Variants in KNDC1 observed in about 807,000 individuals in gnomAD.
KNDC1 encodes kinase non-catalytic C-lobe domain containing 1, also known as kinase non-catalytic C-lobe domain-containing protein 1.
Under a neutral mutation model 172.8 loss-of-function variants are expected in KNDC1, and 106 were observed. That is an observed-to-expected ratio of 0.61 (90% CI 0.52 to 0.72). The LOEUF (loss-of-function observed/expected upper bound fraction) is 0.72. Ranked by LOEUF, KNDC1 falls within the 30% of genes least tolerant of loss-of-function variation. The pLI is 0.00. For synonymous variants in KNDC1, 1,083 were observed against 1,062.2 expected, an observed-to-expected ratio of 1.02 and a Z score of -0.38; for missense variants, 2,325 against 2,394.5, an observed-to-expected ratio of 0.97 and a Z score of 0.61.
chr10:133,168,886 C>T (rs551002415), intron 3 of KNDC1, among the ~76,000 whole-genome samples: 147 of 152,308 alleles, frequency 9.7e-4, no homozygotes, highest in Admixed American at 2.5e-3. Flanking sequence ...GGACCCTTTG[C>T]GTGGGAGGAG....
rs934822138 is a variant in KNDC1 at position 133,219,995 on chromosome 10, G to C, written c.4901G>C (p.Arg1634Pro). The C allele has an allele frequency of 6.4e-7, 1 of 1,553,106 alleles. No homozygotes were observed. Among genetic ancestry groups the C allele is most frequent in the Non-Finnish European group, 8.7e-7 (1 of 1,148,094 alleles). ...GACAGCCTGTGTCTGATGGAAGGGC[G>C]GCGCTTCCGGGCGCAGCCCACCCTG... ...KSDSLCLMEG[R>P]RFRAQPTLPS... The change falls in exon 29 of 30, where the codon CGG becomes CCG. Residue 1634 changes from arginine (R) to proline (P), a missense_variant. Coordinates refer to ENST00000304613, the MANE Select transcript of KNDC1 (RefSeq NM_152643.8).
At position 133,224,819 on chromosome 10, in the gene KNDC1, C is replaced by A. The variant is rs1437107646; in HGVS notation, c.5179C>A (p.Gln1727Lys). 2 of 1,614,006 alleles carry A rather than the reference C, an allele frequency of 1.2e-6. No individual in the cohort carries two copies. Among genetic ancestry groups the A allele is most frequent in the African/African-American group, 2.7e-5 (2 of 74,930 alleles). Residue 1727 changes from glutamine (Q) to lysine (K), a missense_variant, in exon 30 of 30, where the codon CAG (glutamine) becomes AAG (lysine). Transcript: ENST00000304613. This position sits in a 1 kb window ranked among gnomAD's most constrained non-coding sequence, Gnocchi z 5.4. ...CGCAGATAGCAGGGCCAACTTCCAC[C>A]AGGTCTCCAGCGAGAAGCACTCACG... Reference protein sequence around the residue: ...LAADSRANFHQVSSEKHSRKI... With the variant: ...LAADSRANFHKVSSEKHSRKI...
intron 1 of KNDC1, among the ~76,000 whole-genome samples, chr10:133,162,748 G>T (rs558571726): frequency 2.0e-5 from 3 of 152,278 alleles, no homozygotes; most frequent in Non-Finnish European, 4.4e-5. Context: ...CCTCGCGCCA[G>T]TGGGAGGACA....
At position 133,224,772 on chromosome 10, in the gene KNDC1, G is replaced by A. The variant is rs769693071; in HGVS notation, c.5132G>A (p.Gly1711Asp). 6.2e-7 allele frequency: 1 copy of A among 1,614,080 alleles called. No individual in the cohort carries two copies. The highest frequency in any genetic ancestry group is 8.5e-7 in the Non-Finnish European group (1 of 1,180,016). Reference protein sequence around the residue: ...YLKQRIARFSGADISTLAADS... With the variant: ...YLKQRIARFSDADISTLAADS... ...AAGCAGAGGATTGCCCGCTTCAGCG[G>A]TGCCGACATTTCCACACTCGCCGCA... The change falls in exon 30 of 30, where the codon GGT (glycine) becomes GAT (aspartate). Residue 1711 changes from glycine to aspartate, a missense_variant. Physicochemically the swap from Gly to Asp is moderately conservative, Grantham distance 94 (BLOSUM62 -1). Coordinates refer to ENST00000304613, the MANE Select transcript of KNDC1 (RefSeq NM_152643.8). The surrounding 1 kb of genome is among the most constrained non-coding windows in gnomAD (Gnocchi z 5.4).
chr10:133,222,057 G>A (rs181818703), intron 29 of KNDC1, among the ~76,000 whole-genome samples: 4,116 of 57,746 alleles, frequency 0.071, 1,098 homozygotes, highest in Non-Finnish European at 0.16. Context: ...CGAGGCGGGC[G>A]GATCACTTGA....
intron 3 of KNDC1, among the ~76,000 whole-genome samples, chr10:133,175,950 A>C (rs1853523712): frequency 1.5e-5 from 2 of 134,944 alleles, no homozygotes; most frequent in South Asian, 5.4e-4. Flanking sequence ...GGGTGGGTGA[A>C]TGGATGGGTG....
chr10:133,190,272 C>T (rs937366769), intron 9 of KNDC1, among the ~76,000 whole-genome samples: 2 of 136,892 alleles, frequency 1.5e-5, no homozygotes, highest in African/African-American at 7.3e-5. Context: ...AAACAAACAC[C>T]CTGCAATAAG....
intron 1 of KNDC1, among the ~76,000 whole-genome samples, chr10:133,165,830 A>T (rs2135942901): frequency 6.6e-6 from 1 of 152,306 alleles, no homozygotes; most frequent in South Asian, 2.1e-4. Context: ...CTTGAGCCCA[A>T]ATCAAACACC....
chr10:133,213,994 T>C lies in KNDC1; in HGVS notation c.4549T>C (p.Ser1517Pro). 1 of 1,614,174 alleles carries C rather than the reference T, an allele frequency of 6.2e-7. No individual in the cohort carries two copies. The highest frequency in any genetic ancestry group is 8.5e-7 in the Non-Finnish European group (1 of 1,180,000). Residue 1517 changes from serine to proline, a missense_variant, in exon 26 of 30, where the codon TCG becomes CCG. Coordinates refer to ENST00000304613, the MANE Select transcript of KNDC1 (RefSeq NM_152643.8). ...IPKASSSESL[S>P]AKTCSLFLPN... ...CAGAGCCAGCTCTTCTGAGTCTCTTTCGGCCAAAACCTGCAGCTTATTTCT... is the reference window on the plus strand; with the variant it reads ...CAGAGCCAGCTCTTCTGAGTCTCTTCCGGCCAAAACCTGCAGCTTATTTCT...
intron 29 of KNDC1, among the ~76,000 whole-genome samples, chr10:133,222,269 CG>C (rs1424259447): frequency 6.9e-6 from 1 of 144,826 alleles, no homozygotes; most frequent in African/African-American, 2.5e-5. Context: ...GGCGATAGAG[CG>C]AGACTCCGTC....
At chr10:133,196,694 T>C (rs2998141) in intron 10 of KNDC1, among the ~76,000 whole-genome samples, 111,955 of 152,088 alleles carry the variant, frequency 0.74, 41,596 homozygotes, top group Middle Eastern at 0.82. Context: ...TCAGTTCCCA[T>C]GTGCACAAGG....
At chr10:133,176,597 G>A (rs1008622923) in intron 3 of KNDC1, among the ~76,000 whole-genome samples, 4 of 152,170 alleles carry the variant, frequency 2.6e-5, no homozygotes, top group African/African-American at 4.8e-5. Context: ...TGCCCAGGTT[G>A]CTCCTTTGAC....
intron 17 of KNDC1, among the ~76,000 whole-genome samples, chr10:133,204,104 A>G (rs1854456147): frequency 1.3e-5 from 2 of 152,054 alleles, no homozygotes. Context: ...CGGGGGCCGG[A>G]CGAGGGCCCC....
Position 133,186,018 on chromosome 10 carries a change from G to A in KNDC1, c.670G>A (p.Ala224Thr), listed in dbSNP as rs755472769. 7.5e-6 allele frequency: 12 copies of A among 1,601,278 alleles called. No individual in the cohort carries two copies. In the East Asian group the frequency reaches 1.1e-4, roughly 15 times the overall value. ...GCGGGAGAGACCTGCCCCAGGAAAC[G>A]CTGGGCCCAGGAGGCCGCCCGGGGA... ...SWRERPAPGN[A>T]GPRRPPGDPS... Residue 224 changes from alanine (A) to threonine (T), a missense_variant, in exon 6 of 30, where the codon GCT becomes ACT. Ala to Thr is a moderately conservative substitution (Grantham distance 58). Coordinates refer to ENST00000304613, the MANE Select transcript of KNDC1 (RefSeq NM_152643.8).
chr10:133,166,271 T>G (rs1030434451), intron 1 of KNDC1, among the ~76,000 whole-genome samples: 82 of 152,222 alleles, frequency 5.4e-4, no homozygotes, highest in African/African-American at 1.8e-3. Context: ...GCCCCACCCA[T>G]AGTGTCCAGG....
At chr10:133,187,935 C>T (rs2135981547) in intron 6 of KNDC1, among the ~76,000 whole-genome samples, 1 of 133,374 alleles carries the variant, frequency 7.5e-6, no homozygotes, top group Non-Finnish European at 1.5e-5. Context: ...GAGCCTGGCC[C>T]CTGCACCCCG....
At position 133,170,755 on chromosome 10, in the gene KNDC1, G is replaced by A. The variant is rs562822214; in HGVS notation, c.360+2443G>A. 7.2e-5 allele frequency among the ~76,000 whole-genome samples: 11 copies of A among 152,220 alleles called. No individual in the cohort carries two copies. In the South Asian group the frequency reaches 8.3e-4, roughly 11 times the overall value. On this transcript the variant is annotated intron_variant, in intron 3 of 29. Transcript: ENST00000304613. ...GGTTGCATATTTGTAAATCTTTCAC[G>A]TCTGGGTTGTGGAAAACGCCTGGAT...
Position 133,224,690 on chromosome 10 carries a change from G to A in KNDC1, c.5050G>A (p.Ala1684Thr), listed in dbSNP as rs1305439284. 5 of 1,613,896 alleles carry A rather than the reference G, an allele frequency of 3.1e-6. No individual in the cohort carries two copies. Among genetic ancestry groups the A allele is most frequent in the Middle Eastern group, 3.3e-4 (2 of 6,084 alleles). ...CGCAAAGGTGGTGAGCCAGGTGCAC[G>A]CGTTCCAGGAGAACCCTTACACCTT... Reference protein sequence around the residue: ...NIAKVVSQVHAFQENPYTFSP... With the variant: ...NIAKVVSQVHTFQENPYTFSP... The change falls in exon 30 of 30, where the codon GCG becomes ACG. Residue 1684 changes from alanine (A) to threonine (T), a missense_variant. Coordinates refer to ENST00000304613, the MANE Select transcript of KNDC1 (RefSeq NM_152643.8). This position sits in a 1 kb window ranked among gnomAD's most constrained non-coding sequence, Gnocchi z 5.4.
Position 133,188,659 on chromosome 10 carries a change from G to C in KNDC1, c.1441+6G>C, listed in dbSNP as rs769772804. 9.1e-6 allele frequency: 14 copies of C among 1,546,398 alleles called. No homozygotes were observed. Among genetic ancestry groups the C allele is most frequent in the Admixed American group, 3.6e-5 (2 of 54,894 alleles). ...GACACGCCCTGAGCACCCAGGTGAC[G>C]CACGCACCATCCCATCCCCCCCGCC... On this transcript the variant is annotated splice_donor_region_variant and intron_variant, in intron 7 of 29. Coordinates refer to ENST00000304613, the MANE Select transcript of KNDC1 (RefSeq NM_152643.8).
Sources: allele counts gnomAD v4.1 joint callset (sites outside exome capture counted in the v4.1 genomes callset), GRCh38; gene constraint gnomAD v4.1.1; non-coding constraint Gnocchi (gnomAD v3.1); transcripts MANE v1.5; gene names NCBI Gene and HGNC (gene_info 2026-07-23, HGNC 2026-07-21).